The following LOXHD1 variants were observed in gnomAD, a reference collection of about 807,000 sequenced individuals.
LOXHD1 encodes lipoxygenase homology PLAT domains 1.
Under a neutral mutation model 248.2 loss-of-function variants are expected in LOXHD1, and 205 were observed. The ratio of observed to expected loss-of-function variants is 0.83; its 90% confidence interval spans 0.74 to 0.93. The LOEUF (loss-of-function observed/expected upper bound fraction) is 0.93. Ranked by LOEUF, LOXHD1 falls within the 40% of genes least tolerant of loss-of-function variation. LOXHD1 has a pLI of 0.00. For synonymous variants in LOXHD1, 1,113 were observed against 1,162.8 expected, an observed-to-expected ratio of 0.96 and a Z score of 0.87; for missense variants, 2,930 against 2,971.6, an observed-to-expected ratio of 0.99 and a Z score of 0.33.
intron 38 of LOXHD1, among the ~76,000 whole-genome samples, chr18:46,488,574 G>A (rs990797822): frequency 9.9e-5 from 15 of 152,172 alleles, no homozygotes; most frequent in Admixed American, 7.9e-4. Context: ...AAGGAAAGCC[G>A]CTGCTAGAGA....
intron 1 of LOXHD1, 61 bp downstream of exon 1, chr18:46,656,843 C>A: frequency 6.5e-7 from 1 of 1,529,696 alleles, no homozygotes; most frequent in Non-Finnish European, 8.8e-7. Flanking sequence ...TAGACAGGAA[C>A]AGACCCCTGC....
In LOXHD1 at chr18:46,521,271, G is replaced by T. The variant is rs375851293; in HGVS notation, c.5097C>A (p.Asp1699Glu). 6 of 1,551,534 alleles carry T rather than the reference G, an allele frequency of 3.9e-6. No individual in the cohort carries two copies. The highest frequency in any genetic ancestry group is 1.4e-5 in the African/African-American group (1 of 73,040). ...GIIKKIELGH[D>E]GASPESCWLV... ...GCCAGCAGCTCTCAGGGGAGGCCCCGTCATGGCCCAGCTAGGAGGAGACAC... is the reference window on the plus strand; with the variant it reads ...GCCAGCAGCTCTCAGGGGAGGCCCCTTCATGGCCCAGCTAGGAGGAGACAC... Residue 1699 changes from aspartate to glutamate, a missense_variant, in exon 33 of 41, where the codon GAC becomes GAA. Physicochemically the swap from Asp to Glu is conservative, Grantham distance 45. Transcript: ENST00000642948.
chr18:46,491,685 C>T (rs2033487750), intron 37 of LOXHD1, among the ~76,000 whole-genome samples: 1 of 152,204 alleles, frequency 6.6e-6, no homozygotes, highest in Admixed American at 6.5e-5. Context: ...ATGCTCTACC[C>T]TACACAGTTT....
At chr18:46,560,046 A>AC in intron 19 of LOXHD1, 37 bp downstream of exon 19, 5 of 690,946 alleles carry the variant, frequency 7.2e-6, no homozygotes, top group South Asian at 5.1e-5. Flanking sequence ...CTGTCTGGCC[A>AC]CTCCCTCCCC....
At chr18:46,494,698 G>A (rs1463400148) in intron 37 of LOXHD1, among the ~76,000 whole-genome samples, 3 of 152,078 alleles carry the variant, frequency 2.0e-5, no homozygotes, top group African/African-American at 7.2e-5. Context: ...ATCCTCACTT[G>A]TACAATGTGT....
rs868694893 is a variant in LOXHD1, at chr18:46,639,621, G to T, written c.506C>A (p.Pro169His). 14 of 1,551,234 alleles carry T rather than the reference G, an allele frequency of 9.0e-6. 1 individual carries two copies. The Middle Eastern group carries it at 5.0e-4, about 55-fold the overall frequency. The change falls in exon 4 of 41, where the codon CCC becomes CAC. Residue 169 changes from proline to histidine, a missense_variant. Physicochemically the swap from Pro to His is moderately conservative, Grantham distance 77. Transcript: ENST00000642948. ...AGGCCAGCCTAGGCACTGACCTCTGGGCATGTCCATGGGGTTGAAGCTGGC... is the reference window on the plus strand; with the variant it reads ...AGGCCAGCCTAGGCACTGACCTCTGTGCATGTCCATGGGGTTGAAGCTGGC... ...LLASFNPMDM[P>H]RGNKYEVKVY...
At chr18:46,535,090 T>C (rs2036249827) in intron 26 of LOXHD1, among the ~76,000 whole-genome samples, 1 of 152,218 alleles carries the variant, frequency 6.6e-6, no homozygotes, top group Admixed American at 6.5e-5. Flanking sequence ...ATTTTCTTCA[T>C]GACAGGCTCT....
intron 40 of LOXHD1, among the ~76,000 whole-genome samples, chr18:46,480,778 T>A (rs2032494689): frequency 6.6e-6 from 1 of 152,126 alleles, no homozygotes; most frequent in Admixed American, 6.5e-5. Flanking sequence ...GAGAATGGGG[T>A]CACCAAAATG....
In LOXHD1 at chr18:46,563,097, C is replaced by T. The variant is rs2144035411; in HGVS notation, c.2566G>A (p.Val856Ile). Residue 856 changes from valine (V) to isoleucine (I), a missense_variant, in exon 18 of 41, where the codon GTT (valine) becomes ATT (isoleucine). Val to Ile is a conservative substitution (Grantham distance 29). Coordinates refer to ENST00000642948, the MANE Select transcript of LOXHD1 (RefSeq NM_001384474.1). ...EVLFLSSRSK[V>I]FERASKDTFQ... ...GTGTCCTTGGACGCCCGTTCAAAAA[C>T]TTTTGAGCGGCTGGAGAGGAAGAGC... 6.5e-7 allele frequency: 1 copy of T among 1,545,816 alleles called. No individual in the cohort carries two copies. Among genetic ancestry groups the T allele is most frequent in the South Asian group, 1.2e-5 (1 of 83,926 alleles).
chr18:46,649,115 TA>T (rs2039073734), intron 2 of LOXHD1, 39 bp downstream of exon 2: 1 of 1,504,382 alleles, frequency 6.6e-7, no homozygotes, highest in African/African-American at 1.4e-5. Context: ...TCAACAGGAC[TA>T]ATGGCCCAGG....
At position 46,601,314 on chromosome 18, in the gene LOXHD1, A is replaced by T. The variant is rs1313127630; in HGVS notation, c.1037T>A (p.Ile346Asn). The change falls in exon 8 of 41, where the codon ATC becomes AAC. Residue 346 changes from isoleucine to asparagine, a missense_variant. Physicochemically the swap from Ile to Asn is moderately radical, Grantham distance 149. Transcript: ENST00000642948. ...GAGGACAGCCAGCTCGATGTGGAAG[A>T]TGTCCGTGCGGCCTCGGTCAAACAC... is the stretch of plus-strand genomic sequence containing the variant. ...GGVFDRGRTD[I>N]FHIELAVLLS... The T allele has an allele frequency of 5.8e-6, 9 of 1,551,698 alleles. No individual in the cohort carries two copies. Among genetic ancestry groups the T allele is most frequent in the Non-Finnish European group, 7.8e-6 (9 of 1,147,002 alleles).
intron 5 of LOXHD1, among the ~76,000 whole-genome samples, chr18:46,612,640 T>C (rs2038525352): frequency 6.6e-6 from 1 of 152,172 alleles, no homozygotes; most frequent in Admixed American, 6.5e-5. Flanking sequence ...TTTCCTTTGT[T>C]GCTTATGCTT....
chr18:46,559,438 C>A lies in LOXHD1; in HGVS notation c.3216+10G>T. On this transcript the variant is annotated intron_variant, in intron 20 of 40. Transcript: ENST00000642948. ...AGCCCCCACCCAGGGGCCAGAGACC[C>A]TCACCCTACCTGCCCCTGCTCAAAT... 1 of 1,552,066 alleles carries A rather than the reference C, an allele frequency of 6.4e-7. No individual in the cohort carries two copies. The highest frequency in any genetic ancestry group is 8.7e-7 in the Non-Finnish European group (1 of 1,147,070).
At chr18:46,492,270 T>C (rs551186913) in intron 37 of LOXHD1, among the ~76,000 whole-genome samples, 1 of 152,336 alleles carries the variant, frequency 6.6e-6, no homozygotes, top group South Asian at 2.1e-4. Flanking sequence ...CCTTAGCAGA[T>C]GTATTAGTTT....
At chr18:46,567,412 C>T (rs2037664733) in intron 16 of LOXHD1, among the ~76,000 whole-genome samples, 2 of 152,364 alleles carry the variant, frequency 1.3e-5, no homozygotes, top group South Asian at 4.1e-4. Flanking sequence ...GTGCATGCAG[C>T]CCAGTCCCCT....
chr18:46,597,283 C>A (rs2038270985), intron 8 of LOXHD1, among the ~76,000 whole-genome samples: 1 of 151,480 alleles, frequency 6.6e-6, no homozygotes, highest in African/African-American at 2.4e-5. Flanking sequence ...ACAGTCAATC[C>A]AAAATAATTT....
chr18:46,649,164 A>G lies in LOXHD1; in HGVS notation c.236T>C (p.Leu79Pro). ...CCAAGTGGGTACTCACTTGCTGGTG[A>G]GCTGGAGCTTGGGAGAGAGCCCATT... ...GENGLSPKLQLTSKSKSAFEK... is the reference protein window; with the variant it reads ...GENGLSPKLQPTSKSKSAFEK... Residue 79 changes from leucine to proline, a missense_variant, in exon 2 of 41, where the codon CTC becomes CCC. Leu to Pro is a moderately conservative substitution (Grantham distance 98). Coordinates refer to ENST00000642948, the MANE Select transcript of LOXHD1 (RefSeq NM_001384474.1). The G allele has an allele frequency of 3.2e-6, 5 of 1,551,618 alleles. No homozygotes were observed. Among genetic ancestry groups the G allele is most frequent in the Non-Finnish European group, 4.4e-6 (5 of 1,146,924 alleles).
chr18:46,545,396 G>A lies in LOXHD1; in HGVS notation c.3540C>T (p.Thr1180=). The stretch of plus-strand genomic sequence containing the variant: ...CATTCTTCTTAACCCCAGTCTTTAT[G>A]GTCACTGAGAATGTGGTAGATTTAT... ...QKDKSTTFSV[T]IKTGVKKNAG... is the part of the protein sequence containing the mutation. Residue 1180 remains threonine (T), a synonymous_variant, in exon 23 of 41, where the codon ACC becomes ACT. Transcript: ENST00000642948. The A allele has an allele frequency of 1.3e-6, 2 of 1,551,802 alleles. No individual in the cohort carries two copies. Among genetic ancestry groups the A allele is most frequent in the Non-Finnish European group, 1.7e-6 (2 of 1,146,826 alleles).
At chr18:46,620,750 T>A (rs2038657618) in intron 4 of LOXHD1, among the ~76,000 whole-genome samples, 1 of 152,174 alleles carries the variant, frequency 6.6e-6, no homozygotes, top group South Asian at 2.1e-4. Flanking sequence ...CTAAAGGTCC[T>A]TTTTAATCTG....
Sources: gnomAD v4.1 joint callset for allele counts (sites outside exome capture counted in the v4.1 genomes callset) on GRCh38, gnomAD v4.1.1 for gene constraint, MANE v1.5 for transcripts, NCBI Gene and HGNC (gene_info 2026-07-23, HGNC 2026-07-21) for gene names.